The following CACNA2D3 variants were observed in gnomAD, a reference collection of about 807,000 sequenced individuals.
The protein encoded by CACNA2D3 is calcium voltage-gated channel auxiliary subunit alpha2delta 3.
In CACNA2D3, 60 loss-of-function variants were observed where a neutral mutation model predicts 160.6. The ratio of observed to expected loss-of-function variants is 0.37; its 90% CI spans 0.30 to 0.46. The LOEUF (loss-of-function observed/expected upper bound fraction) is 0.46. Among genes scored for constraint, CACNA2D3 ranks in the 20% least tolerant of loss-of-function variants. The pLI, the probability that CACNA2D3 is intolerant of heterozygous loss-of-function variation, is 1.00. For missense variants in CACNA2D3, 1,205 were observed against 1,365.0 expected, an observed-to-expected ratio of 0.88 and a Z score of 1.85; for synonymous variants, 558 against 492.9, an observed-to-expected ratio of 1.13 and a Z score of -1.75.
At chr3:54,907,863 A>G (rs928749783) in intron 27 of CACNA2D3, among the ~76,000 whole-genome samples, 1 of 152,112 alleles carries the variant, frequency 6.6e-6, no homozygotes, top group African/African-American at 2.4e-5. Flanking sequence ...CATTTAACAT[A>G]ATGTTTTTAT....
At chr3:54,291,861 C>T (rs1275910707) in intron 2 of CACNA2D3, among the ~76,000 whole-genome samples, 4 of 152,140 alleles carry the variant, frequency 2.6e-5, no homozygotes, top group South Asian at 2.1e-4. Context: ...ATTTCTGTTA[C>T]GTGCTGAACA....
intron 11 of CACNA2D3, among the ~76,000 whole-genome samples, chr3:54,652,757 A>T (rs1023540064): frequency 7.1e-6 from 1 of 140,298 alleles, no homozygotes; most frequent in South Asian, 2.4e-4. Flanking sequence ...ATGTGATCCA[A>T]GGGGTTGGTG....
intron 31 of CACNA2D3, among the ~76,000 whole-genome samples, chr3:55,000,851 C>T (rs1702965655): frequency 6.6e-6 from 1 of 152,090 alleles, no homozygotes; most frequent in African/African-American, 2.4e-5. Context: ...TCCAATAAGA[C>T]CCTGGGCTGG....
intron 13 of CACNA2D3, among the ~76,000 whole-genome samples, chr3:54,815,897 T>C (rs189084333): frequency 1.3e-5 from 2 of 152,344 alleles, no homozygotes; most frequent in East Asian, 3.9e-4. Flanking sequence ...ATTGGGTATT[T>C]AATACATGGA....
chr3:54,214,455 C>T (rs963237038), intron 2 of CACNA2D3, among the ~76,000 whole-genome samples: 2 of 152,166 alleles, frequency 1.3e-5, no homozygotes, highest in African/African-American at 4.8e-5. Context: ...CCCTAAGGGA[C>T]AAGATCTGGA....
At chr3:54,247,929 A>T (rs1702112761) in intron 2 of CACNA2D3, among the ~76,000 whole-genome samples, 1 of 152,168 alleles carries the variant, frequency 6.6e-6, no homozygotes, top group Non-Finnish European at 1.5e-5. Flanking sequence ...GACCAAATAT[A>T]TTAATATTTG....
intron 11 of CACNA2D3, among the ~76,000 whole-genome samples, chr3:54,732,498 A>G (rs751156671): frequency 1.2e-4 from 18 of 152,224 alleles, no homozygotes; most frequent in Non-Finnish European, 1.9e-4. Context: ...TAGGTCATTG[A>G]TAATAGAGAT....
At chr3:54,295,147 T>G (rs1256818509) in intron 2 of CACNA2D3, among the ~76,000 whole-genome samples, 1 of 151,966 alleles carries the variant, frequency 6.6e-6, no homozygotes, top group Non-Finnish European at 1.5e-5. Flanking sequence ...ACCCTGGAGG[T>G]GTAGCGAGAG....
chr3:54,461,493 G>A (rs1700503473), intron 4 of CACNA2D3, among the ~76,000 whole-genome samples: 2 of 151,474 alleles, frequency 1.3e-5, no homozygotes, highest in South Asian at 4.2e-4. Flanking sequence ...CTTCTTCCTG[G>A]TTTAGTCTTG....
At chr3:54,636,232 A>G (rs1699367470) in intron 10 of CACNA2D3, among the ~76,000 whole-genome samples, 1 of 152,140 alleles carries the variant, frequency 6.6e-6, no homozygotes, top group South Asian at 2.1e-4. Flanking sequence ...TGGTGGAACT[A>G]CCATCAATAA....
intron 4 of CACNA2D3, among the ~76,000 whole-genome samples, chr3:54,471,926 G>C (rs1700739820): frequency 6.6e-6 from 1 of 152,142 alleles, no homozygotes; most frequent in Non-Finnish European, 1.5e-5. Context: ...ACGAAAAAAA[G>C]TCCTGGACCA....
rs182388097 is a variant in CACNA2D3 at position 54,164,460 on chromosome 3, C to A, written c.204+40866C>A. Among the ~76,000 whole-genome samples, 10 of 152,344 alleles carry A rather than the reference C, an allele frequency of 6.6e-5. No individual in the cohort carries two copies. In the East Asian group the frequency reaches 1.5e-3, roughly 24 times the overall value. On this transcript the variant is annotated intron_variant, in intron 2 of 37. Coordinates refer to ENST00000474759, the MANE Select transcript of CACNA2D3 (RefSeq NM_018398.3). ...TCCACATTCTCCTCCTCGGGGGACT[C>A]CCCTGGAATTACCTTTGTCATTTTA...
At chr3:54,269,213 C>T (rs907665239) in intron 2 of CACNA2D3, among the ~76,000 whole-genome samples, 1 of 151,840 alleles carries the variant, frequency 6.6e-6, no homozygotes, top group Admixed American at 6.6e-5. Flanking sequence ...CCACTGGTAG[C>T]GCCTTTTCTA....
In CACNA2D3 at chr3:54,899,680, C is replaced by A. The variant is rs547305538; in HGVS notation, c.2369-108C>A. 4.1e-5 allele frequency: 33 copies of A among 810,508 alleles called. 1 individual carries two copies. The highest frequency in any genetic ancestry group is 5.7e-4 in the Middle Eastern group (2 of 3,508). The allele number at this position is 810,508 out of a possible 1,614,324, so 50.2% of individuals were successfully genotyped here. ...GAGGACTCTGGGGCCTGGGACCAAG[C>A]CCCAGAACAATTTGCAGAATTGGTG... On this transcript the variant is annotated intron_variant, in intron 26 of 37. Transcript: ENST00000474759.
At chr3:54,243,885 T>C (rs1702019422) in intron 2 of CACNA2D3, among the ~76,000 whole-genome samples, 1 of 152,134 alleles carries the variant, frequency 6.6e-6, no homozygotes, top group African/African-American at 2.4e-5. Flanking sequence ...TGGATGAATA[T>C]GGAGATGGAA....
intron 9 of CACNA2D3, among the ~76,000 whole-genome samples, chr3:54,589,518 G>C (rs1251555317): frequency 6.6e-6 from 1 of 151,476 alleles, no homozygotes; most frequent in Non-Finnish European, 1.5e-5. Context: ...AATATAATTT[G>C]TAAAAGGAAA....
At chr3:54,431,217 A>G (rs952660604) in intron 4 of CACNA2D3, among the ~76,000 whole-genome samples, 13 of 152,008 alleles carry the variant, frequency 8.6e-5, no homozygotes, top group Admixed American at 8.5e-4. Flanking sequence ...GGCGCCTGTA[A>G]TCCCAGCTAC....
intron 35 of CACNA2D3, among the ~76,000 whole-genome samples, chr3:55,033,827 T>TTTTAAATA (rs1390816217): frequency 1.3e-5 from 1 of 78,696 alleles, no homozygotes; most frequent in African/African-American, 4.3e-5. Flanking sequence ...TTAAATATAT[T>TTTTAAATA]TAATATATAA....
chr3:54,575,591 T>C (rs1281669930), intron 8 of CACNA2D3, among the ~76,000 whole-genome samples: 2 of 152,200 alleles, frequency 1.3e-5, no homozygotes, highest in Non-Finnish European at 2.9e-5. Context: ...AGGTTTTCTG[T>C]GTGTGAGCCT....
Sources: allele counts gnomAD v4.1 joint callset (sites outside exome capture counted in the v4.1 genomes callset), GRCh38; gene constraint gnomAD v4.1.1; transcripts MANE v1.5; gene names NCBI Gene and HGNC (gene_info 2026-07-23, HGNC 2026-07-21).